Variants in TGFBR3 observed in about 807,000 individuals in gnomAD.
The protein encoded by TGFBR3 is transforming growth factor beta receptor 3.
TGFBR3 carries 46 observed loss-of-function variants against 87.9 expected under a neutral mutation model. That is an observed-to-expected ratio of 0.52 (90% CI 0.41 to 0.67). The LOEUF is 0.67. Ranked by LOEUF, TGFBR3 falls within the 30% of genes least tolerant of loss-of-function variation. The pLI is 0.00. For synonymous variants in TGFBR3, 381 were observed against 391.6 expected (o/e 0.97, Z 0.32); for missense variants, 866 against 1,041.9 (o/e 0.83, Z 2.32).
intron 3 of TGFBR3, among the ~76,000 whole-genome samples, chr1:91,772,389 C>T (rs1200550111): frequency 2.1e-5 from 3 of 145,318 alleles, no homozygotes; most frequent in African/African-American, 5.2e-5. Context: ...GCTGAATTAC[C>T]AAGGAATATC....
At chr1:91,863,937 C>A (rs1387620281) in intron 1 of TGFBR3, 1 of 152,210 alleles carries the variant, frequency 6.6e-6, no homozygotes, top group Non-Finnish European at 1.5e-5. Context: ...GAGGATCTGT[C>A]TCTATTTTTT....
At chr1:91,708,577 A>T (rs200609306) in intron 14 of TGFBR3, 86 bp downstream of exon 14, 214 of 1,601,408 alleles carry the variant, frequency 1.3e-4, no homozygotes, top group Non-Finnish European at 1.8e-4. Context: ...TCTTGTGAAT[A>T]AAGCTGGACT....
chr1:91,731,581 T>G (rs1478925621), intron 5 of TGFBR3, among the ~76,000 whole-genome samples: 1 of 152,022 alleles, frequency 6.6e-6, no homozygotes, highest in East Asian at 1.9e-4. Flanking sequence ...TGCGGATGCC[T>G]CCCCCACATC....
intron 4 of TGFBR3, among the ~76,000 whole-genome samples, chr1:91,736,167 T>C (rs1672961429): frequency 6.6e-6 from 1 of 152,032 alleles, no homozygotes; most frequent in Admixed American, 6.5e-5. Context: ...GACCTACTAA[T>C]GTTGCAAGCT....
chr1:91,833,892 TA>T (rs1676959660), intron 2 of TGFBR3, among the ~76,000 whole-genome samples: 1 of 152,064 alleles, frequency 6.6e-6, no homozygotes, highest in Admixed American at 6.6e-5. Flanking sequence ...ACTAACATAT[TA>T]AAGAAAGAAA....
chr1:91,783,618 G>C (rs1199957188), intron 3 of TGFBR3, among the ~76,000 whole-genome samples: 2 of 152,308 alleles, frequency 1.3e-5, no homozygotes, highest in Non-Finnish European at 2.9e-5. Context: ...CTTCCTGTAG[G>C]ATTCTGGTGG....
At chr1:91,890,924 G>A (rs1231634009), upstream of TGFBR3, among the ~76,000 whole-genome samples, 1 of 150,404 alleles carries the variant, frequency 6.6e-6, no homozygotes, top group Non-Finnish European at 1.5e-5. Flanking sequence ...TTGAAACGGA[G>A]TCTTGCACTG....
intron 3 of TGFBR3, among the ~76,000 whole-genome samples, chr1:91,768,611 A>G (rs1674266389): frequency 6.6e-6 from 1 of 152,142 alleles, no homozygotes; most frequent in Non-Finnish European, 1.5e-5. Flanking sequence ...GAGAGTTCTC[A>G]CAAGATCTGG....
At chr1:91,727,163 C>T (rs1053867362) in intron 7 of TGFBR3, among the ~76,000 whole-genome samples, 3 of 152,138 alleles carry the variant, frequency 2.0e-5, no homozygotes, top group Non-Finnish European at 4.4e-5. Context: ...AAAAGACATG[C>T]CAATATTTCG....
At chr1:91,818,238 A>C (rs760926754) in intron 2 of TGFBR3, among the ~76,000 whole-genome samples, 6 of 147,670 alleles carry the variant, frequency 4.1e-5, no homozygotes, top group Non-Finnish European at 8.9e-5. Flanking sequence ...ATTAAAAAAA[A>C]ATTTCAACTG....
chr1:91,801,789 C>T (rs749186391), intron 2 of TGFBR3, among the ~76,000 whole-genome samples: 1 of 152,090 alleles, frequency 6.6e-6, no homozygotes, highest in Non-Finnish European at 1.5e-5. Flanking sequence ...AAAAGTGTGC[C>T]AGCATCACAC....
intron 2 of TGFBR3, among the ~76,000 whole-genome samples, chr1:91,837,021 C>G (rs1677090968): frequency 6.6e-6 from 1 of 151,994 alleles, no homozygotes; most frequent in Non-Finnish European, 1.5e-5. Context: ...TTTTGTTTCC[C>G]CATTTTAAAA....
At chr1:91,835,827 CAAAAAAAAAAAAAAA>C (rs57326419) in intron 2 of TGFBR3, among the ~76,000 whole-genome samples, 90 of 74,774 alleles carry the variant, frequency 1.2e-3, no homozygotes, top group African/African-American at 2.8e-3. Flanking sequence ...GACTCCACCT[CAAAAAAAAAAAAAAA>C]AAAAAAAAAA....
chr1:91,869,945 A>T (rs143889285), intron 1 of TGFBR3, among the ~76,000 whole-genome samples: 2,584 of 152,262 alleles, frequency 0.017, 44 homozygotes, highest in Middle Eastern at 0.031. Context: ...CTTCAAACAC[A>T]CTTGTGGAAA....
intron 6 of TGFBR3, 68 bp downstream of exon 6, chr1:91,729,737 C>A: frequency 1.3e-6 from 2 of 1,594,778 alleles, no homozygotes; most frequent in Non-Finnish European, 1.7e-6. Flanking sequence ...TACACCTCTC[C>A]CTGCCTCAAG....
chr1:91,739,402 CTTATAG>C (rs1377888373), intron 4 of TGFBR3, among the ~76,000 whole-genome samples: 1 of 152,128 alleles, frequency 6.6e-6, no homozygotes, highest in Non-Finnish European at 1.5e-5. Flanking sequence ...AATGCAAAGT[CTTATAG>C]TTATTCTTCA....
intron 3 of TGFBR3, among the ~76,000 whole-genome samples, chr1:91,791,502 C>T (rs1675192563): frequency 6.6e-6 from 1 of 152,136 alleles, no homozygotes; most frequent in Non-Finnish European, 1.5e-5. Context: ...GGAAGGGAAT[C>T]AAAAAGGACT....
intron 4 of TGFBR3, among the ~76,000 whole-genome samples, chr1:91,744,524 C>T (rs1435144557): frequency 6.6e-6 from 1 of 152,188 alleles, no homozygotes; most frequent in African/African-American, 2.4e-5. Flanking sequence ...TGTTTATGAA[C>T]TGATCATGTC....
intron 2 of TGFBR3, among the ~76,000 whole-genome samples, chr1:91,859,552 A>G (rs1419419628): frequency 6.6e-6 from 1 of 152,132 alleles, no homozygotes; most frequent in Non-Finnish European, 1.5e-5. Context: ...TGATAGACAA[A>G]AATAGAGAAT....
Sources: gnomAD v4.1 joint callset for allele counts (sites outside exome capture counted in the v4.1 genomes callset) on GRCh38, gnomAD v4.1.1 for gene constraint, MANE v1.5 for transcripts, NCBI Gene and HGNC (gene_info 2026-07-23, HGNC 2026-07-21) for gene names.